The following BTBD9 variants were observed in gnomAD, a reference collection of about 807,000 sequenced individuals.
BTBD9 encodes the protein BTB/POZ domain-containing protein 9.
In BTBD9, 49 loss-of-function variants were observed where a neutral mutation model predicts 64.3. The observed-to-expected ratio is 0.76, with a 90% CI of 0.61 to 0.97. The LOEUF is 0.97. Ranked by LOEUF, BTBD9 falls within the 50% of genes least tolerant of loss-of-function variation. The pLI, the probability that BTBD9 is intolerant of heterozygous loss-of-function variation, is 0.00. For synonymous variants in BTBD9, 260 were observed against 274.7 expected, an observed-to-expected ratio of 0.95 and a Z score of 0.53; for missense variants, 598 against 762.1, an observed-to-expected ratio of 0.78 and a Z score of 2.53.
intron 7 of BTBD9, among the ~76,000 whole-genome samples, chr6:38,291,401 C>T (rs919806064): frequency 6.6e-6 from 1 of 152,120 alleles, no homozygotes; most frequent in Admixed American, 6.5e-5. Flanking sequence ...TGGGTTGAGA[C>T]GATGGGATTA....
intron 8 of BTBD9, among the ~76,000 whole-genome samples, chr6:38,280,668 C>A (rs909982186): frequency 2.6e-5 from 4 of 152,206 alleles, no homozygotes; most frequent in Non-Finnish European, 2.9e-5. Context: ...ATGGAAGCGG[C>A]ATGGAACAAG....
intron 6 of BTBD9, among the ~76,000 whole-genome samples, chr6:38,368,836 C>T (rs1179582713): frequency 1.3e-5 from 2 of 152,166 alleles, no homozygotes; most frequent in African/African-American, 2.4e-5. Flanking sequence ...TTTCACACCT[C>T]TAACTTCAGG....
intron 6 of BTBD9, among the ~76,000 whole-genome samples, chr6:38,566,283 G>A (rs550867518): frequency 1.3e-5 from 2 of 151,998 alleles, no homozygotes; most frequent in African/African-American, 2.4e-5. Context: ...TGTATTAGAG[G>A]AACTGCTAAA....
At chr6:38,405,036 C>A (rs1443224095) in intron 6 of BTBD9, among the ~76,000 whole-genome samples, 1 of 152,082 alleles carries the variant, frequency 6.6e-6, no homozygotes, top group Non-Finnish European at 1.5e-5. Flanking sequence ...CTGATTCATA[C>A]CTCTAAACAA....
At chr6:38,301,855 T>G (rs964187849) in intron 7 of BTBD9, among the ~76,000 whole-genome samples, 1 of 152,084 alleles carries the variant, frequency 6.6e-6, no homozygotes, top group African/African-American at 2.4e-5. Flanking sequence ...GTGTCTCTAT[T>G]TCCTTCAGTT....
intron 7 of BTBD9, among the ~76,000 whole-genome samples, chr6:38,308,671 ACGGCTC>A (rs1175303838): frequency 6.6e-6 from 1 of 152,012 alleles, no homozygotes; most frequent in Non-Finnish European, 1.5e-5. Context: ...TGGCATGATC[ACGGCTC>A]ACTGCAGCCT....
chr6:38,460,166 G>T (rs1770010535), intron 6 of BTBD9, among the ~76,000 whole-genome samples: 1 of 152,112 alleles, frequency 6.6e-6, no homozygotes, highest in Non-Finnish European at 1.5e-5. Flanking sequence ...AACTTCCAAG[G>T]ATCTGCATCT....
chr6:38,342,891 C>G (rs572491658), intron 7 of BTBD9, among the ~76,000 whole-genome samples: 7 of 152,294 alleles, frequency 4.6e-5, no homozygotes, highest in African/African-American at 1.4e-4. Flanking sequence ...CAACGTCAGA[C>G]AGAGGATAAC....
chr6:38,534,644 G>A (rs1773942309), intron 6 of BTBD9, among the ~76,000 whole-genome samples: 1 of 151,908 alleles, frequency 6.6e-6, no homozygotes, highest in South Asian at 2.1e-4. Context: ...CTAGCAAAAG[G>A]AATTGAACAA....
intron 9 of BTBD9, among the ~76,000 whole-genome samples, chr6:38,251,423 C>A (rs1485110663): frequency 6.6e-6 from 1 of 151,694 alleles, no homozygotes; most frequent in Non-Finnish European, 1.5e-5. Context: ...TGCCACCAGG[C>A]CCAGCTAATT....
intron 8 of BTBD9, among the ~76,000 whole-genome samples, chr6:38,263,108 C>A (rs1443815529): frequency 1.3e-5 from 2 of 152,200 alleles, no homozygotes; most frequent in East Asian, 3.8e-4. Context: ...AAATCCATTC[C>A]TAATCTTTCA....
At chr6:38,374,302 T>TATATATATAC (rs1562095430) in intron 6 of BTBD9, among the ~76,000 whole-genome samples, 8 of 91,850 alleles carry the variant, frequency 8.7e-5, no homozygotes, top group Non-Finnish European at 1.6e-4. Context: ...TATATGTATA[T>TATATATATAC]ATATGTATAT....
At chr6:38,304,564 A>C (rs28545323) in intron 7 of BTBD9, among the ~76,000 whole-genome samples, 36,511 of 151,722 alleles carry the variant, frequency 0.24, 4,841 homozygotes, top group African/African-American at 0.33. Flanking sequence ...AACAAAAAAA[A>C]AAAAAAAACC....
In BTBD9 at chr6:38,636,680, C is replaced by T. The variant is rs151177287; in HGVS notation, c.-28+3120G>A. On this transcript the variant is annotated intron_variant, in intron 1 of 10. Coordinates refer to ENST00000481247, the MANE Select transcript of BTBD9 (RefSeq NM_001099272.2). ...TGCCTCTCTACTCTAATGCAATCTGCACACGAACTGTCAACTTTCTGATTA... is the reference window on the plus strand; with the variant it reads ...TGCCTCTCTACTCTAATGCAATCTGTACACGAACTGTCAACTTTCTGATTA... Among the ~76,000 whole-genome samples, 190 of 152,304 alleles carry T rather than the reference C, an allele frequency of 1.2e-3. 2 individuals carry two copies. The highest frequency in any genetic ancestry group is 1.8e-3 in the Admixed American group (28 of 15,300).
At chr6:38,469,556 A>G (rs1770546465) in intron 6 of BTBD9, among the ~76,000 whole-genome samples, 1 of 152,014 alleles carries the variant, frequency 6.6e-6, no homozygotes, top group African/African-American at 2.4e-5. Context: ...TCCTGACCTC[A>G]TGATCCGCCC....
chr6:38,195,694 T>C (rs1265293740), intron 9 of BTBD9, among the ~76,000 whole-genome samples: 2 of 152,152 alleles, frequency 1.3e-5, no homozygotes, highest in Non-Finnish European at 2.9e-5. Flanking sequence ...TATGTATCTA[T>C]ACACATACGT....
chr6:38,314,289 G>A (rs1055916935), intron 7 of BTBD9, among the ~76,000 whole-genome samples: 17 of 151,738 alleles, frequency 1.1e-4, no homozygotes, highest in African/African-American at 3.9e-4. Flanking sequence ...TCCGCCTCCC[G>A]GGTTCACGCC....
chr6:38,234,357 T>C (rs1197020107), intron 9 of BTBD9, among the ~76,000 whole-genome samples: 1 of 152,186 alleles, frequency 6.6e-6, no homozygotes, highest in Non-Finnish European at 1.5e-5. Flanking sequence ...CTGCAGCTGC[T>C]TGGGCCCAGG....
At chr6:38,250,827 C>T (rs1764367815) in intron 9 of BTBD9, among the ~76,000 whole-genome samples, 1 of 152,142 alleles carries the variant, frequency 6.6e-6, no homozygotes, top group Non-Finnish European at 1.5e-5. Flanking sequence ...AATCCCAGCA[C>T]TTTGGGAAGC....
Sources: gnomAD v4.1 joint callset for allele counts (sites outside exome capture counted in the v4.1 genomes callset) on GRCh38, gnomAD v4.1.1 for gene constraint, MANE v1.5 for transcripts, NCBI Gene and HGNC (gene_info 2026-07-23, HGNC 2026-07-21) for gene names.